PBX3: variants seen among roughly 807,000 people sequenced by gnomAD.
The protein encoded by PBX3 is pre-B-cell leukemia transcription factor 3.
A neutral mutation model predicts 48.5 loss-of-function variants in PBX3; 14 were observed. The ratio of observed to expected loss-of-function variants is 0.29; its 90% CI spans 0.19 to 0.45. The LOEUF is 0.45. Among genes scored for constraint, PBX3 ranks in the 20% least tolerant of loss-of-function variants. The probability of loss-of-function intolerance (pLI) is 1.00; values close to 1 mark genes in which losing one functional copy is unlikely to be tolerated. For synonymous variants in PBX3, 210 were observed against 200.3 expected (o/e 1.05, Z -0.41); for missense variants, 386 against 546.7 (o/e 0.71, Z 2.93).
At chr9:125,781,659 G>A (rs1837321043) in intron 2 of PBX3, among the ~76,000 whole-genome samples, 1 of 152,058 alleles carries the variant, frequency 6.6e-6, no homozygotes, top group South Asian at 2.1e-4. Flanking sequence ...TGGTCTTATT[G>A]ATTCTTTCTA....
At chr9:125,790,107 G>A (rs1837558149) in intron 2 of PBX3, among the ~76,000 whole-genome samples, 1 of 152,214 alleles carries the variant, frequency 6.6e-6, no homozygotes, top group Admixed American at 6.5e-5. Flanking sequence ...TAATGTAAGT[G>A]TATAATAAGA....
intron 4 of PBX3, 135 bp downstream of exon 4, chr9:125,929,980 C>A (rs976458000): frequency 1.5e-6 from 1 of 669,440 alleles, no homozygotes; most frequent in Non-Finnish European, 2.6e-6. Flanking sequence ...ACAGGTAATT[C>A]AACTCATGGT....
intron 2 of PBX3, among the ~76,000 whole-genome samples, chr9:125,865,623 T>TA (rs1265073121): frequency 2.0e-5 from 3 of 152,174 alleles, no homozygotes; most frequent in African/African-American, 7.2e-5. Flanking sequence ...ATTTCAGTAA[T>TA]AAGGAAGAAC....
At chr9:125,934,939 A>C (rs1841801190) in intron 4 of PBX3, among the ~76,000 whole-genome samples, 1 of 152,172 alleles carries the variant, frequency 6.6e-6, no homozygotes, top group South Asian at 2.1e-4. Context: ...TGATCTTTTA[A>C]AAACATAAAA....
chr9:125,872,553 A>T (rs1466608791), intron 2 of PBX3, among the ~76,000 whole-genome samples: 3 of 152,086 alleles, frequency 2.0e-5, no homozygotes, highest in African/African-American at 7.2e-5. Flanking sequence ...CCAGCTGGGA[A>T]TTCCAGACCA....
chr9:125,844,073 C>T (rs1191701144), intron 2 of PBX3, among the ~76,000 whole-genome samples: 2 of 151,982 alleles, frequency 1.3e-5, no homozygotes, highest in Non-Finnish European at 2.9e-5. Context: ...ATGAAAGTGA[C>T]ATAAATTCTA....
intron 2 of PBX3, among the ~76,000 whole-genome samples, chr9:125,902,349 T>C (rs1680390301): frequency 6.6e-6 from 1 of 151,728 alleles, no homozygotes. Context: ...ACTCGCATTA[T>C]TGTTTCCTTT....
chr9:125,806,148 A>C (rs1231450615), intron 2 of PBX3, among the ~76,000 whole-genome samples: 1 of 152,170 alleles, frequency 6.6e-6, no homozygotes, highest in African/African-American at 2.4e-5. Flanking sequence ...TTGATCTCAT[A>C]TCTGAAGAAA....
intron 2 of PBX3, among the ~76,000 whole-genome samples, chr9:125,835,015 C>CAAAAAAAAAAA: frequency 4.0e-5 from 1 of 25,170 alleles, no homozygotes. Context: ...AACTCTGTCT[C>CAAAAAAAAAAA]AAAAAAAAAA....
intron 2 of PBX3, among the ~76,000 whole-genome samples, chr9:125,826,011 C>T (rs1838797094): frequency 6.6e-6 from 1 of 152,128 alleles, no homozygotes; most frequent in Non-Finnish European, 1.5e-5. Flanking sequence ...AGTTTTCAAC[C>T]AGTTAAATTC....
chr9:125,831,340 A>G lies in PBX3; in HGVS notation c.274+82717A>G, dbSNP rs574564962. On this transcript the variant is annotated intron_variant, in intron 2 of 8. Transcript: ENST00000373489. Reference sequence around the variant, plus strand: ...CTTTCACCTAATGGTTTTACCATCTATGGATGACCCAGTGCCTGGATTACT... The same window carrying G: ...CTTTCACCTAATGGTTTTACCATCTGTGGATGACCCAGTGCCTGGATTACT... Among the ~76,000 whole-genome samples the G allele has an allele frequency of 5.3e-5, 8 of 152,056 alleles. No homozygotes were observed. The South Asian group carries it at 1.5e-3, about 28-fold the overall frequency.
In PBX3 at chr9:125,826,785, A is replaced by C. The variant is rs1020859138; in HGVS notation, c.274+78162A>C. On this transcript the variant is annotated intron_variant, in intron 2 of 8. Transcript: ENST00000373489. ...TTTCTATATTTATGGTGTACATGTG[A>C]TATTTTGTTGCATGCATAGAATGTG... is the stretch of plus-strand genomic sequence containing the variant. Among the ~76,000 whole-genome samples, 4 of 152,094 alleles carry C rather than the reference A, an allele frequency of 2.6e-5. No individual in the cohort carries two copies. The East Asian group carries it at 5.8e-4, about 22-fold the overall frequency.
At chr9:125,959,999 C>T (rs2118810967) in intron 5 of PBX3, among the ~76,000 whole-genome samples, 1 of 152,288 alleles carries the variant, frequency 6.6e-6, no homozygotes, top group Middle Eastern at 3.4e-3. Flanking sequence ...TCCATTTGCA[C>T]CGGCTGACAT....
intron 2 of PBX3, among the ~76,000 whole-genome samples, chr9:125,871,398 C>A: frequency 1.4e-5 from 2 of 140,922 alleles, no homozygotes; most frequent in Admixed American, 7.1e-5. Context: ...AAAAAAAAAT[C>A]TAAAAAAACC....
At chr9:125,800,168 TAGAG>T (rs1197173378) in intron 2 of PBX3, among the ~76,000 whole-genome samples, 2 of 152,162 alleles carry the variant, frequency 1.3e-5, no homozygotes, top group Non-Finnish European at 2.9e-5. Context: ...ACTGATCTGA[TAGAG>T]AGATGTTCCA....
At chr9:125,858,856 T>C (rs140131928) in intron 2 of PBX3, among the ~76,000 whole-genome samples, 41 of 152,274 alleles carry the variant, frequency 2.7e-4, no homozygotes, top group Admixed American at 6.5e-5. Flanking sequence ...GAACTCCGGA[T>C]GTCAGGCAAT....
chr9:125,828,125 G>C (rs1280101019), intron 2 of PBX3, among the ~76,000 whole-genome samples: 1 of 152,004 alleles, frequency 6.6e-6, no homozygotes, highest in Non-Finnish European at 1.5e-5. Context: ...CTGTCCAGAG[G>C]ATTTACTTTG....
At chr9:125,779,292 G>T (rs936013622) in intron 2 of PBX3, among the ~76,000 whole-genome samples, 1 of 137,986 alleles carries the variant, frequency 7.2e-6, no homozygotes. Context: ...ATCATTCTTG[G>T]GTGTTTCTCG....
chr9:125,935,535 C>T lies in PBX3; in HGVS notation c.771C>T (p.His257=), dbSNP rs117595468. The T allele has an allele frequency of 1.6e-5, 26 of 1,613,742 alleles. No individual in the cohort carries two copies. The highest frequency in any genetic ancestry group is 2.2e-5 in the Non-Finnish European group (26 of 1,179,722). The change falls in exon 5 of 9, where the codon CAC becomes CAT. Residue 257 remains histidine, a synonymous_variant. Coordinates refer to ENST00000373489, the MANE Select transcript of PBX3 (RefSeq NM_006195.6). ...TCTTGAATGAATATTTTTACTCACA[C>T]CTCAGCAACCCCTACCCCAGTGAAG... ...TEILNEYFYS[H]LSNPYPSEEA... is the part of the protein sequence containing the mutation.
Sources: allele counts gnomAD v4.1 joint callset (sites outside exome capture counted in the v4.1 genomes callset), GRCh38; gene constraint gnomAD v4.1.1; transcripts MANE v1.5; gene names NCBI Gene and HGNC (gene_info 2026-07-23, HGNC 2026-07-21).